The following LRP2BP variants were observed in gnomAD, a reference collection of about 807,000 sequenced individuals.
LRP2BP encodes the protein LRP2 binding protein.
Under a neutral mutation model 45.2 loss-of-function variants are expected in LRP2BP, and 38 were observed. The ratio of observed to expected loss-of-function variants is 0.84; its 90% CI spans 0.65 to 1.10. The LOEUF (loss-of-function observed/expected upper bound fraction) is 1.10. LRP2BP is among the 50% of genes least tolerant of loss of function. The pLI is 0.00. For missense variants in LRP2BP, 385 were observed against 418.9 expected, an observed-to-expected ratio of 0.92 and a Z score of 0.71; for synonymous variants, 153 against 153.9, an observed-to-expected ratio of 0.99 and a Z score of 0.04.
At chr4:185,379,824 C>G (rs2095450281) in intron 1 of LRP2BP, among the ~76,000 whole-genome samples, 1 of 152,064 alleles carries the variant, frequency 6.6e-6, no homozygotes, top group Non-Finnish European at 1.5e-5. Context: ...CTCTCTCTCT[C>G]TCTCTCTCTC....
At chr4:185,397,038 C>G (rs2095505354), upstream of LRP2BP, 1 of 1,609,786 alleles carries the variant, frequency 6.2e-7, no homozygotes, top group Non-Finnish European at 8.5e-7. Context: ...GGACGGACCA[C>G]TGGGCGCTGC....
chr4:185,376,369 C>T (rs1257740033), intron 3 of LRP2BP, among the ~76,000 whole-genome samples: 1 of 151,944 alleles, frequency 6.6e-6, no homozygotes, highest in Non-Finnish European at 1.5e-5. Context: ...CCTCTGCCTC[C>T]TGGGTTCAAG....
upstream of LRP2BP, chr4:185,395,960 A>C: frequency 1.0e-6 from 1 of 958,092 alleles, no homozygotes; most frequent in Middle Eastern, 5.4e-4. Flanking sequence ...TGCCATCGGA[A>C]GTCAGGTCAT....
At chr4:185,394,546 A>C (rs540475405) in intron 1 of LRP2BP, among the ~76,000 whole-genome samples, 1 of 152,238 alleles carries the variant, frequency 6.6e-6, no homozygotes, top group Non-Finnish European at 1.5e-5. Flanking sequence ...GTAATATAAT[A>C]AACTGGAATA....
At chr4:185,371,606 T>G (rs1036634992) in intron 7 of LRP2BP, among the ~76,000 whole-genome samples, 5 of 149,746 alleles carry the variant, frequency 3.3e-5, no homozygotes, top group African/African-American at 1.2e-4. Context: ...GACACAAATA[T>G]GTACAATTGT....
chr4:185,396,644 GCCCGCCCCCTCCC>G (rs1309329879), upstream of LRP2BP: 1 of 486,020 alleles, frequency 2.1e-6, no homozygotes, highest in African/African-American at 2.1e-5. Flanking sequence ...GGCCTCGCGC[GCCCGCCCCCTCCC>G]CCTGCCCCCG....
intron 7 of LRP2BP, among the ~76,000 whole-genome samples, chr4:185,371,637 A>G (rs1050651338): frequency 6.6e-6 from 1 of 152,018 alleles, no homozygotes; most frequent in Non-Finnish European, 1.5e-5. Context: ...GATCCAGTCA[A>G]CTCCATGTTA....
Position 185,370,630 on chromosome 4 carries a change from T to A in LRP2BP, c.978+10A>T. ...CTTTGGGTGAATTTATATTTTGTTCTAAAGCTTACTTTAGAATAATAGTGT... is the reference window on the plus strand; with the variant it reads ...CTTTGGGTGAATTTATATTTTGTTCAAAAGCTTACTTTAGAATAATAGTGT... On this transcript the variant is annotated intron_variant, in intron 8 of 8. Transcript: ENST00000505916. 6.2e-7 allele frequency: 1 copy of A among 1,612,254 alleles called. No individual in the cohort carries two copies. Among genetic ancestry groups the A allele is most frequent in the Non-Finnish European group, 8.5e-7 (1 of 1,178,518 alleles).
Position 185,367,111 on chromosome 4 carries a change from T to C in LRP2BP, c.*69A>G. 7.7e-7 allele frequency: 1 copy of C among 1,301,520 alleles called. No homozygotes were observed. The highest frequency in any genetic ancestry group is 1.1e-6 in the Non-Finnish European group (1 of 907,426). The allele number at this position is 1,301,520 out of a possible 1,614,324, so 80.6% of individuals were successfully genotyped here. A position where few individuals can be genotyped will look rare whatever the true frequency, so the allele number is the denominator to read the frequency against. On this transcript the variant is annotated 3_prime_UTR_variant, in exon 9 of 9. Transcript: ENST00000505916. Reference sequence around the variant, plus strand: ...TTGTGATGTGCAAAATAACCAAACATAGCTACTGTAAAAATACACACATTG... The same window carrying C: ...TTGTGATGTGCAAAATAACCAAACACAGCTACTGTAAAAATACACACATTG...
chr4:185,375,773 A>G, intron 3 of LRP2BP, 47 bp from the exon 4 acceptor site: 1 of 1,320,322 alleles, frequency 7.6e-7, no homozygotes, highest in Non-Finnish European at 1.1e-6. Context: ...ATGATCTTAA[A>G]GTAATCCCAA....
upstream of LRP2BP, chr4:185,395,932 A>G: frequency 1.0e-6 from 1 of 984,318 alleles, no homozygotes; most frequent in African/African-American, 1.7e-5. Context: ...TCTAGGGAGC[A>G]GCTCTGACGT....
chr4:185,376,116 C>G (rs1274641347), intron 3 of LRP2BP, among the ~76,000 whole-genome samples: 1 of 152,168 alleles, frequency 6.6e-6, no homozygotes, highest in Non-Finnish European at 1.5e-5. Context: ...GAGGGGACAG[C>G]TGGCATAGCC....
upstream of LRP2BP, chr4:185,397,124 G>A: frequency 6.2e-7 from 1 of 1,612,640 alleles, no homozygotes; most frequent in Non-Finnish European, 8.5e-7. Flanking sequence ...GGTGGGAAGG[G>A]TGCTGGATCT....
Position 185,394,946 on chromosome 4 carries a change from C to T in LRP2BP, c.-189G>A. 4 of 985,502 alleles carry T rather than the reference C, an allele frequency of 4.1e-6. No individual in the cohort carries two copies. Among genetic ancestry groups the T allele is most frequent in the African/African-American group, 1.7e-5 (1 of 57,364 alleles). 61.0% of individuals were successfully genotyped at this position (985,502 alleles called of 1,614,324 possible). On this transcript the variant is annotated 5_prime_UTR_variant, in exon 1 of 9. The change creates a new upstream start codon in the 5' untranslated region. Transcript: ENST00000505916. ...TAGAAAATTGATCCCACCTGCTACA[C>T]GCCTGGTGAAACTCCAGTTACTTGC...
chr4:185,372,521 T>A (rs966727883), intron 7 of LRP2BP, among the ~76,000 whole-genome samples: 8 of 152,332 alleles, frequency 5.3e-5, no homozygotes, highest in African/African-American at 1.9e-4. Flanking sequence ...TATCAATACT[T>A]TCATCCAGTT....
chr4:185,376,991 T>G lies in LRP2BP; in HGVS notation c.134A>C (p.Lys45Thr). The G allele has an allele frequency of 1.9e-6, 3 of 1,613,460 alleles. No individual in the cohort carries two copies. The highest frequency in any genetic ancestry group is 1.7e-6 in the Non-Finnish European group (2 of 1,179,356). Residue 45 changes from lysine to threonine, a missense_variant, in exon 3 of 9, where the codon AAG becomes ACG. Coordinates refer to ENST00000505916, the MANE Select transcript of LRP2BP (RefSeq NM_001377440.1). ...TCTTTCCTTCAAGAGCTGCAATGCC[T>G]TATCCACCAAATTAGCATGGGTGTA... ...TDYTHANLVD[K>T]ALQLLKERIL...
upstream of LRP2BP, chr4:185,396,725 G>C: frequency 1.6e-6 from 1 of 610,820 alleles, no homozygotes; most frequent in South Asian, 1.9e-5. Context: ...GGCTGGACAG[G>C]GTCCGGGTCG....
intron 1 of LRP2BP, among the ~76,000 whole-genome samples, chr4:185,386,419 G>A (rs535011069): frequency 2.0e-4 from 30 of 152,324 alleles, no homozygotes; most frequent in African/African-American, 6.5e-4. Flanking sequence ...AAGTGTCTAT[G>A]ACCTATATGC....
chr4:185,375,487 A>AAATATATATATATATATGTAT (rs1554018308), intron 4 of LRP2BP, 126 bp downstream of exon 4: 1 of 12,012 alleles, frequency 8.3e-5, no homozygotes, highest in Non-Finnish European at 1.5e-4. Flanking sequence ...AAAAAAAAAA[A>AAATATATATATATATATGTAT]ATATATATAT....
Sources: allele counts gnomAD v4.1 joint callset (sites outside exome capture counted in the v4.1 genomes callset), GRCh38; gene constraint gnomAD v4.1.1; transcripts MANE v1.5; gene names NCBI Gene and HGNC (gene_info 2026-07-23, HGNC 2026-07-21).